RELN: variants seen among roughly 807,000 people sequenced by gnomAD.
RELN encodes the protein reelin.
Under a neutral mutation model 427.6 loss-of-function variants are expected in RELN, and 108 were observed. The ratio of observed to expected loss-of-function variants is 0.25; its 90% CI spans 0.22 to 0.30. The LOEUF (loss-of-function observed/expected upper bound fraction) is 0.30. RELN is among the 10% of genes least tolerant of loss of function. RELN has a pLI of 1.00. For synonymous variants in RELN, 1,524 were observed against 1,513.4 expected, an observed-to-expected ratio of 1.01 and a Z score of -0.16; for missense variants, 3,715 against 4,302.8, an observed-to-expected ratio of 0.86 and a Z score of 3.82.
intron 50 of RELN, among the ~76,000 whole-genome samples, chr7:103,511,610 G>A (rs1450363944): frequency 6.6e-6 from 1 of 152,098 alleles, no homozygotes; most frequent in African/African-American, 2.4e-5. Flanking sequence ...GGGTATGGTG[G>A]CTCATGCCTG....
intron 3 of RELN, among the ~76,000 whole-genome samples, chr7:103,826,203 C>T (rs537143570): frequency 2.0e-5 from 3 of 151,960 alleles, no homozygotes; most frequent in Non-Finnish European, 4.4e-5. Flanking sequence ...TCATCAGATG[C>T]AGCCCCTTAA....
intron 2 of RELN, among the ~76,000 whole-genome samples, chr7:103,906,567 T>G (rs940880472): frequency 1.3e-5 from 2 of 152,102 alleles, no homozygotes; most frequent in African/African-American, 4.8e-5. Flanking sequence ...CTGCTCATGA[T>G]TCCTCTGAGC....
chr7:103,902,556 G>A (rs1795106996), intron 2 of RELN, among the ~76,000 whole-genome samples: 2 of 152,044 alleles, frequency 1.3e-5, no homozygotes, highest in Admixed American at 1.3e-4. Context: ...AGCTCAATCT[G>A]AATTTTTACC....
intron 4 of RELN, among the ~76,000 whole-genome samples, chr7:103,757,975 A>G (rs1179680507): frequency 1.3e-5 from 2 of 152,176 alleles, no homozygotes; most frequent in African/African-American, 2.4e-5. Context: ...GAATTTCTAC[A>G]TTTTTTCAGA....
At chr7:103,612,255 C>T (rs1831976825) in intron 20 of RELN, among the ~76,000 whole-genome samples, 1 of 151,664 alleles carries the variant, frequency 6.6e-6, no homozygotes. Flanking sequence ...CATTATCTAT[C>T]TTTCAAATAC....
chr7:103,706,446 G>A (rs1399726663), intron 8 of RELN, among the ~76,000 whole-genome samples: 1 of 152,124 alleles, frequency 6.6e-6, no homozygotes, highest in Non-Finnish European at 1.5e-5. Flanking sequence ...TAGGGGTTAT[G>A]AACAGATAGG....
intron 2 of RELN, among the ~76,000 whole-genome samples, chr7:103,852,011 C>G (rs776035504): frequency 2.6e-5 from 4 of 152,142 alleles, no homozygotes; most frequent in Non-Finnish European, 4.4e-5. Context: ...TAAAGGACTA[C>G]TATGTAAGAT....
chr7:103,531,417 G>A (rs1331211893), intron 46 of RELN, among the ~76,000 whole-genome samples: 1 of 152,188 alleles, frequency 6.6e-6, no homozygotes, highest in Non-Finnish European at 1.5e-5. Flanking sequence ...TTTTAACATA[G>A]CAATGTCTGG....
intron 42 of RELN, 37 bp downstream of exon 42, chr7:103,545,087 T>G: frequency 6.5e-7 from 1 of 1,539,390 alleles, no homozygotes; most frequent in Non-Finnish European, 9.0e-7. Context: ...TATAAGTTCT[T>G]TCACAAGACT....
intron 8 of RELN, among the ~76,000 whole-genome samples, chr7:103,707,484 C>A (rs1349572379): frequency 1.3e-5 from 2 of 151,484 alleles, no homozygotes; most frequent in African/African-American, 4.9e-5. Context: ...TGATGGCTTG[C>A]AAATCTATTT....
intron 3 of RELN, among the ~76,000 whole-genome samples, chr7:103,779,766 T>G (rs1295119286): frequency 6.6e-6 from 1 of 152,182 alleles, no homozygotes; most frequent in Non-Finnish European, 1.5e-5. Flanking sequence ...TCTTGCTCTG[T>G]CGCCAAGCTG....
chr7:103,888,777 A>T (rs2299396), intron 2 of RELN, among the ~76,000 whole-genome samples: 3 of 152,150 alleles, frequency 2.0e-5, no homozygotes, highest in African/African-American at 7.2e-5. Flanking sequence ...CAAGCACAAC[A>T]TGAGCCAGAT....
intron 48 of RELN, among the ~76,000 whole-genome samples, chr7:103,520,972 T>TA (rs1562869042): frequency 0.015 from 1,982 of 132,660 alleles, 30 homozygotes; most frequent in Non-Finnish European, 0.024. Flanking sequence ...TTTTTTTTTT[T>TA]TTTTTTTTTT....
rs1307372831 is a variant in RELN, at chr7:103,535,411, A to T, written c.7254T>A (p.Asn2418Lys). The change falls in exon 46 of 65, where the codon AAT becomes AAA. Residue 2418 changes from asparagine to lysine, a missense_variant. By Grantham distance (94) the Asn-to-Lys change is moderately conservative. Transcript: ENST00000428762. Reference protein sequence around the residue: ...HPLVRDCLPTNVECSRYHLQR... With the variant: ...HPLVRDCLPTKVECSRYHLQR... ...GCAGATGATAGCGACTGCATTCCAC[A>T]TTGGTAGGCAGACAGTCCCTTACCA... The T allele has an allele frequency of 5.6e-6, 9 of 1,613,868 alleles. No homozygotes were observed. Among genetic ancestry groups the T allele is most frequent in the Non-Finnish European group, 6.8e-6 (8 of 1,179,870 alleles).
intron 50 of RELN, among the ~76,000 whole-genome samples, chr7:103,512,422 T>A (rs977901371): frequency 6.6e-6 from 1 of 152,218 alleles, no homozygotes; most frequent in Admixed American, 6.5e-5. Flanking sequence ...GTATGGATAT[T>A]CAAGTATTCT....
At chr7:103,850,889 A>G (rs1314988897) in intron 2 of RELN, among the ~76,000 whole-genome samples, 2 of 152,234 alleles carry the variant, frequency 1.3e-5, no homozygotes, top group African/African-American at 4.8e-5. Flanking sequence ...TGCTGGTGGG[A>G]AAGTAAACTA....
At chr7:103,865,641 G>A (rs1794179819) in intron 2 of RELN, among the ~76,000 whole-genome samples, 1 of 152,072 alleles carries the variant, frequency 6.6e-6, no homozygotes, top group South Asian at 2.1e-4. Context: ...CAGAATGAAG[G>A]ATGAAAATCA....
intron 17 of RELN, among the ~76,000 whole-genome samples, chr7:103,638,796 A>G (rs1179287243): frequency 6.6e-6 from 1 of 152,196 alleles, no homozygotes; most frequent in Admixed American, 6.5e-5. Flanking sequence ...CAATGTCCAA[A>G]AGCATAAAGC....
chr7:103,606,397 G>GC (rs1019140117), intron 22 of RELN, among the ~76,000 whole-genome samples: 25 of 152,260 alleles, frequency 1.6e-4, no homozygotes, highest in African/African-American at 5.1e-4. Flanking sequence ...GGGGGACAAG[G>GC]CCCCCAGGAC....
Sources: allele counts gnomAD v4.1 joint callset (sites outside exome capture counted in the v4.1 genomes callset), GRCh38; gene constraint gnomAD v4.1.1; transcripts MANE v1.5; gene names NCBI Gene and HGNC (gene_info 2026-07-23, HGNC 2026-07-21).